The following FSIP1 variants were observed in gnomAD, a reference collection of about 807,000 sequenced individuals.
FSIP1 encodes the protein fibrous sheath interacting protein 1, also known as fibrous sheath-interacting protein 1.
A neutral mutation model predicts 60.9 loss-of-function variants in FSIP1; 65 were observed. That is an observed-to-expected ratio of 1.07 (90% CI 0.87 to 1.31). FSIP1 has a LOEUF of 1.31. Among genes scored for constraint, FSIP1 ranks in the 40% most tolerant of loss-of-function variants. The pLI, the probability that FSIP1 is intolerant of heterozygous loss-of-function variation, is 0.00. For missense variants in FSIP1, 675 were observed against 665.5 expected, an observed-to-expected ratio of 1.01 and a Z score of -0.16; for synonymous variants, 209 against 221.2, an observed-to-expected ratio of 0.94 and a Z score of 0.49.
At chr15:39,639,598 G>A (rs973469271) in intron 10 of FSIP1, among the ~76,000 whole-genome samples, 8 of 152,184 alleles carry the variant, frequency 5.3e-5, no homozygotes, top group Admixed American at 3.9e-4. Flanking sequence ...TTTCTCATGA[G>A]TCCTGTGACT....
intron 4 of FSIP1, 64 bp downstream of exon 4, chr15:39,765,528 G>C: frequency 7.9e-7 from 1 of 1,273,372 alleles, no homozygotes; most frequent in East Asian, 2.5e-5. Flanking sequence ...ACAGGTGTGA[G>C]CCACCATGCC....
intron 8 of FSIP1, among the ~76,000 whole-genome samples, chr15:39,732,619 CAAAAAAAA>C (rs56106819): frequency 5.6e-4 from 45 of 80,140 alleles, no homozygotes; most frequent in Non-Finnish European, 8.9e-4. Context: ...AACTCCATCT[CAAAAAAAA>C]AAAAAAAAAA....
intron 9 of FSIP1, among the ~76,000 whole-genome samples, chr15:39,716,254 G>A (rs1047414020): frequency 1.3e-4 from 20 of 152,016 alleles, no homozygotes; most frequent in African/African-American, 4.4e-4. Flanking sequence ...AAAACACCCC[G>A]GATTTCATTT....
chr15:39,770,593 G>T lies in FSIP1; in HGVS notation c.144C>A (p.Asn48Lys). 6.6e-7 allele frequency: 1 copy of T among 1,525,398 alleles called. No homozygotes were observed. The allele number at this position is 1,525,398 out of a possible 1,614,324, so 94.5% of individuals were successfully genotyped here. The change falls in exon 3 of 12, where the codon AAC becomes AAA. Residue 48 changes from asparagine to lysine, a missense_variant. By Grantham distance (94) the Asn-to-Lys change is moderately conservative (BLOSUM62 0). Transcript: ENST00000350221. ...PGSFKVDTASNLNSGKEDHSE... is the reference protein window; with the variant it reads ...PGSFKVDTASKLNSGKEDHSE... ...AGTGGTCCTCTTTACCAGAGTTCAA[G>T]TTGCTTGCAGTATCGACCTAAAAAT...
chr15:39,597,532 C>A (rs1890497557), downstream of FSIP1: 3 of 151,746 alleles, frequency 2.0e-5, no homozygotes, highest in Admixed American at 2.0e-4. Context: ...GCGTAAATAC[C>A]ATTCATAAAT....
chr15:39,761,331 C>T (rs1449957946), intron 5 of FSIP1, among the ~76,000 whole-genome samples: 1 of 152,156 alleles, frequency 6.6e-6, no homozygotes, highest in Non-Finnish European at 1.5e-5. Context: ...AAGTATCCAC[C>T]AACAGATGAA....
chr15:39,621,983 T>TATA (rs1891458121), intron 10 of FSIP1, among the ~76,000 whole-genome samples: 1 of 152,198 alleles, frequency 6.6e-6, no homozygotes, highest in African/African-American at 2.4e-5. Flanking sequence ...ACTATATTGA[T>TATA]ATAATTTATT....
At chr15:39,766,194 G>A (rs759127792) in intron 3 of FSIP1, among the ~76,000 whole-genome samples, 5 of 152,292 alleles carry the variant, frequency 3.3e-5, no homozygotes, top group East Asian at 1.9e-4. Flanking sequence ...GTAGAAAGCC[G>A]TAAGTCTTCA....
Position 39,738,109 on chromosome 15 carries a change from G to C in FSIP1, c.873C>G (p.Ser291=), listed in dbSNP as rs143931951. The C allele has an allele frequency of 1.9e-6, 3 of 1,610,348 alleles. No homozygotes were observed. The highest frequency in any genetic ancestry group is 2.5e-6 in the Non-Finnish European group (3 of 1,177,336). The change falls in exon 8 of 12, where the codon TCC becomes TCG. Residue 291 remains serine (S), a synonymous_variant. Coordinates refer to ENST00000350221, the MANE Select transcript of FSIP1 (RefSeq NM_152597.5). ...ELLKDLDEKD[S]GLSSSEGDQS... ...TACGTACCTCAGAACTGGAGAGCCC[G>C]GAATCTTTCTCATCCAAGTCCTTCA...
At chr15:39,633,091 C>CGTTTT (rs1329095029) in intron 10 of FSIP1, among the ~76,000 whole-genome samples, 11 of 112,888 alleles carry the variant, frequency 9.7e-5, no homozygotes, top group African/African-American at 4.1e-4. Flanking sequence ...GGCTATACTT[C>CGTTTT]TTTTTTTTTT....
chr15:39,751,966 ATTTATT>A (rs1897176833), intron 5 of FSIP1, among the ~76,000 whole-genome samples: 1 of 151,944 alleles, frequency 6.6e-6, no homozygotes, highest in Non-Finnish European at 1.5e-5. Context: ...ACACAATAAA[ATTTATT>A]TTTAAGAATA....
chr15:39,656,350 C>T (rs1468987770), intron 10 of FSIP1, among the ~76,000 whole-genome samples: 1 of 152,126 alleles, frequency 6.6e-6, no homozygotes, highest in African/African-American at 2.4e-5. Context: ...ATTCCTTATA[C>T]CTATAGCGCC....
chr15:39,664,831 T>C (rs897243514), intron 10 of FSIP1, among the ~76,000 whole-genome samples: 11 of 152,026 alleles, frequency 7.2e-5, no homozygotes, highest in Non-Finnish European at 1.6e-4. Context: ...AAAAGACCCA[T>C]CCTAGGGAAG....
chr15:39,730,642 G>A (rs866012469), intron 8 of FSIP1, among the ~76,000 whole-genome samples: 21 of 152,148 alleles, frequency 1.4e-4, no homozygotes, highest in African/African-American at 4.6e-4. Context: ...CAGTGTGTGA[G>A]TCTTGGCAGG....
intron 10 of FSIP1, among the ~76,000 whole-genome samples, chr15:39,698,647 C>T (rs114750420): frequency 6.6e-6 from 1 of 152,346 alleles, no homozygotes; most frequent in African/African-American, 2.4e-5. Flanking sequence ...GTGCCACATA[C>T]ACTTGAGCAG....
intron 10 of FSIP1, among the ~76,000 whole-genome samples, chr15:39,645,653 C>G (rs9806365): frequency 0.4 from 60,318 of 152,118 alleles, 14,371 homozygotes; most frequent in African/African-American, 0.68. Context: ...TTGGCCAGGC[C>G]GGAGCTCCTG....
intron 5 of FSIP1, among the ~76,000 whole-genome samples, chr15:39,749,929 A>T (rs1483735209): frequency 6.6e-6 from 1 of 152,012 alleles, no homozygotes; most frequent in African/African-American, 2.4e-5. Flanking sequence ...TTCCACCAGA[A>T]AAAAACTATT....
chr15:39,721,487 C>T (rs1895977680), intron 9 of FSIP1, among the ~76,000 whole-genome samples: 1 of 152,242 alleles, frequency 6.6e-6, no homozygotes, highest in South Asian at 2.1e-4. Context: ...AGTTACTCCA[C>T]AACTTGTTCT....
chr15:39,776,534 G>A lies in FSIP1; in HGVS notation c.-7-3C>T, dbSNP rs748651917. ...CCTTTATAATATCCATTGAAATCCT[G>A]AAACAACAAATAAAATATTTAATAC... On this transcript the variant is annotated splice_polypyrimidine_tract_variant and splice_region_variant and intron_variant, in intron 1 of 11. Transcript: ENST00000350221. 11 of 1,513,738 alleles carry A rather than the reference G, an allele frequency of 7.3e-6. No homozygotes were observed. The East Asian group carries it at 2.7e-4, about 37-fold the overall frequency. 93.8% of individuals were successfully genotyped at this position (1,513,738 alleles called of 1,614,324 possible).
Sources: allele counts gnomAD v4.1 joint callset (sites outside exome capture counted in the v4.1 genomes callset), GRCh38; gene constraint gnomAD v4.1.1; transcripts MANE v1.5; gene names NCBI Gene and HGNC (gene_info 2026-07-23, HGNC 2026-07-21).